Variants in ASTN2 observed in about 807,000 individuals in gnomAD.
The protein encoded by ASTN2 is astrotactin 2.
Under a neutral mutation model 139.8 loss-of-function variants are expected in ASTN2, and 54 were observed. The observed-to-expected ratio is 0.39, with a 90% CI of 0.31 to 0.48. The LOEUF (loss-of-function observed/expected upper bound fraction) is 0.48. Ranked by LOEUF, ASTN2 falls within the 20% of genes least tolerant of loss-of-function variation. The probability of loss-of-function intolerance (pLI) is 0.95; values close to 1 mark genes in which losing one functional copy is unlikely to be tolerated. For synonymous variants in ASTN2, 756 were observed against 719.5 expected (o/e 1.05, Z -0.81); for missense variants, 1,565 against 1,725.1 (o/e 0.91, Z 1.64).
intron 1 of ASTN2, among the ~76,000 whole-genome samples, chr9:117,299,709 T>C (rs1209451015): frequency 3.9e-5 from 6 of 152,180 alleles, no homozygotes; most frequent in African/African-American, 7.2e-5. Flanking sequence ...GGCTCCTTTA[T>C]GCAATCAGAC....
At chr9:116,922,750 T>C (rs1424065592) in intron 10 of ASTN2, among the ~76,000 whole-genome samples, 2 of 152,190 alleles carry the variant, frequency 1.3e-5, no homozygotes, top group East Asian at 3.9e-4. Flanking sequence ...TTCAGTGTGA[T>C]CCCAATCAGA....
At chr9:116,743,244 C>G (rs115946046) in intron 13 of ASTN2, among the ~76,000 whole-genome samples, 6,217 of 152,046 alleles carry the variant, frequency 0.041, 453 homozygotes, top group African/African-American at 0.14. Context: ...TGTTTTGTAT[C>G]CTTAATCAAA....
chr9:116,482,765 C>T (rs2119064050), intron 20 of ASTN2, among the ~76,000 whole-genome samples: 1 of 152,322 alleles, frequency 6.6e-6, no homozygotes, highest in Admixed American at 6.5e-5. Flanking sequence ...GCCTAAGCCT[C>T]TGTTCCCACC....
At chr9:116,751,891 A>G (rs1358278430) in intron 13 of ASTN2, among the ~76,000 whole-genome samples, 2 of 152,218 alleles carry the variant, frequency 1.3e-5, no homozygotes, top group East Asian at 1.9e-4. Context: ...TTCCCTGTTC[A>G]TCTTCAATAT....
At chr9:117,235,024 A>C (rs915095199) in intron 2 of ASTN2, among the ~76,000 whole-genome samples, 9 of 152,192 alleles carry the variant, frequency 5.9e-5, no homozygotes, top group Non-Finnish European at 1.0e-4. Context: ...ACCTGAGGTC[A>C]GGAGTTCGAG....
intron 4 of ASTN2, among the ~76,000 whole-genome samples, chr9:117,108,420 A>ACAAAGGC (rs1276092274): frequency 8.2e-6 from 1 of 122,530 alleles, no homozygotes; most frequent in Non-Finnish European, 1.9e-5. Flanking sequence ...CCCTTTGGAA[A>ACAAAGGC]AAAACAAAAC....
At chr9:117,122,211 T>A (rs993237114) in intron 4 of ASTN2, among the ~76,000 whole-genome samples, 14 of 152,188 alleles carry the variant, frequency 9.2e-5, no homozygotes, top group Non-Finnish European at 1.3e-4. Flanking sequence ...TGCTATTGGA[T>A]GCTATCAAGA....
intron 17 of ASTN2, among the ~76,000 whole-genome samples, chr9:116,650,130 T>C (rs142021416): frequency 6.6e-6 from 1 of 152,246 alleles, no homozygotes; most frequent in Non-Finnish European, 1.5e-5. Context: ...ACTTAGTCAG[T>C]GGTCTACCAG....
intron 19 of ASTN2, among the ~76,000 whole-genome samples, chr9:116,549,419 G>A (rs1852244330): frequency 6.6e-6 from 1 of 152,208 alleles, no homozygotes; most frequent in African/African-American, 2.4e-5. Context: ...ACACTTGGCT[G>A]TACAGTTCGT....
At chr9:116,926,084 G>A (rs923421318) in intron 10 of ASTN2, among the ~76,000 whole-genome samples, 4 of 151,790 alleles carry the variant, frequency 2.6e-5, no homozygotes, top group Non-Finnish European at 5.9e-5. Flanking sequence ...GGTCTACTGT[G>A]CATGCCATCC....
At chr9:117,178,248 A>G (rs903691414) in intron 3 of ASTN2, among the ~76,000 whole-genome samples, 4 of 152,104 alleles carry the variant, frequency 2.6e-5, no homozygotes, top group African/African-American at 9.7e-5. Flanking sequence ...TCTCCACTAG[A>G]ATGAAAGCTC....
intron 2 of ASTN2, among the ~76,000 whole-genome samples, chr9:117,285,876 A>G (rs1834437056): frequency 6.6e-6 from 1 of 152,188 alleles, no homozygotes; most frequent in African/African-American, 2.4e-5. Flanking sequence ...TGAGAGAAAC[A>G]TGCCCTCAAA....
chr9:117,246,832 C>G (rs1833396006), intron 2 of ASTN2, among the ~76,000 whole-genome samples: 1 of 152,074 alleles, frequency 6.6e-6, no homozygotes, highest in South Asian at 2.1e-4. Context: ...AATGGGCAAG[C>G]AGGTGAACCA....
At chr9:117,252,544 T>C (rs1222157742) in intron 2 of ASTN2, among the ~76,000 whole-genome samples, 1 of 152,194 alleles carries the variant, frequency 6.6e-6, no homozygotes. Flanking sequence ...AATGGCCCAG[T>C]GTCTCCCAAC....
chr9:116,589,804 C>A (rs1330970125), intron 19 of ASTN2, among the ~76,000 whole-genome samples: 1 of 152,182 alleles, frequency 6.6e-6, no homozygotes, highest in Non-Finnish European at 1.5e-5. Flanking sequence ...GCCTGTCATA[C>A]CAATCAGACA....
chr9:116,887,794 A>G (rs774219699), intron 10 of ASTN2, among the ~76,000 whole-genome samples: 1 of 152,034 alleles, frequency 6.6e-6, no homozygotes, highest in African/African-American at 2.4e-5. Flanking sequence ...CAGCCTCCCA[A>G]GAAGCTGGGA....
At chr9:116,891,386 T>C (rs2132388387) in intron 10 of ASTN2, among the ~76,000 whole-genome samples, 1 of 152,276 alleles carries the variant, frequency 6.6e-6, no homozygotes, top group South Asian at 2.1e-4. Context: ...TTCATTAGAG[T>C]GAGGAAGATG....
intron 10 of ASTN2, among the ~76,000 whole-genome samples, chr9:116,898,816 G>A (rs1489500513): frequency 6.6e-6 from 1 of 152,132 alleles, no homozygotes; most frequent in Non-Finnish European, 1.5e-5. Context: ...CTAAAGGCAT[G>A]TGCCACCACA....
intron 19 of ASTN2, among the ~76,000 whole-genome samples, chr9:116,536,944 G>T (rs976573376): frequency 6.6e-6 from 1 of 152,220 alleles, no homozygotes; most frequent in Non-Finnish European, 1.5e-5. Context: ...GCTATGCCCT[G>T]CCCCCAGAGG....
Sources: gnomAD v4.1 joint callset for allele counts (sites outside exome capture counted in the v4.1 genomes callset) on GRCh38, gnomAD v4.1.1 for gene constraint, MANE v1.5 for transcripts, NCBI Gene and HGNC (gene_info 2026-07-23, HGNC 2026-07-21) for gene names.